CPQ: variants seen among roughly 807,000 people sequenced by gnomAD.
The protein encoded by CPQ is Ser-Met dipeptidase.
A neutral mutation model predicts 45.7 loss-of-function variants in CPQ; 37 were observed. That is an observed-to-expected ratio of 0.81 (90% CI 0.62 to 1.07). The LOEUF is 1.07. CPQ is among the 50% of genes least tolerant of loss of function. The probability of loss-of-function intolerance (pLI) is 0.00; values close to 1 mark genes in which losing one functional copy is unlikely to be tolerated. For synonymous variants in CPQ, 186 were observed against 205.8 expected (o/e 0.90, Z 0.82); for missense variants, 537 against 572.9 (o/e 0.94, Z 0.64).
In CPQ at chr8:96,902,665, G is replaced by A. The variant is rs543713636; in HGVS notation, c.849+22660G>A. Among the ~76,000 whole-genome samples the A allele has an allele frequency of 2.0e-3, 307 of 152,202 alleles. 2 individuals carry two copies. The highest frequency in any genetic ancestry group is 6.9e-3 in the African/African-American group (285 of 41,528). ...GCCCTTGTCTGCTACTATGTATCTC[G>A]GTCAGCAAGTTCCAACTTGGAGTTT... On this transcript the variant is annotated intron_variant, in intron 4 of 7. Transcript: ENST00000220763.
intron 6 of CPQ, among the ~76,000 whole-genome samples, chr8:97,045,275 A>G (rs1368720587): frequency 6.6e-6 from 1 of 152,186 alleles, no homozygotes; most frequent in African/African-American, 2.4e-5. Context: ...CTCCGTGGGC[A>G]TAGTACCTTC....
chr8:96,826,696 G>A (rs1192941667), intron 2 of CPQ, among the ~76,000 whole-genome samples: 1 of 151,846 alleles, frequency 6.6e-6, no homozygotes, highest in Non-Finnish European at 1.5e-5. Flanking sequence ...CGTGTGCCAT[G>A]GTGGTTTGTT....
At position 96,789,670 on chromosome 8, in the gene CPQ, C is replaced by T. The variant is rs191567699; in HGVS notation, c.433+4340C>T. ...TTTTCTAATCACTTCTGAGAGGGTGCGGCCTTGAGCATGCACACAGCCTTC... is the reference window on the plus strand; with the variant it reads ...TTTTCTAATCACTTCTGAGAGGGTGTGGCCTTGAGCATGCACACAGCCTTC... On this transcript the variant is annotated intron_variant, in intron 2 of 7. Coordinates refer to ENST00000220763, the MANE Select transcript of CPQ (RefSeq NM_016134.4). Among the ~76,000 whole-genome samples, 178 of 152,288 alleles carry T rather than the reference C, an allele frequency of 1.2e-3. 1 individual carries two copies. The highest frequency in any genetic ancestry group is 6.0e-3 in the South Asian group (29 of 4,828).
At chr8:96,809,414 G>A (rs1811130050) in intron 2 of CPQ, among the ~76,000 whole-genome samples, 1 of 152,092 alleles carries the variant, frequency 6.6e-6, no homozygotes. Context: ...GCAATAAAAT[G>A]GAACACATGC....
chr8:97,009,199 C>T (rs1372658872), intron 5 of CPQ, among the ~76,000 whole-genome samples: 1 of 152,248 alleles, frequency 6.6e-6, no homozygotes, highest in African/African-American at 2.4e-5. Context: ...AGCACTTGTT[C>T]TCCATCTGAA....
intron 4 of CPQ, among the ~76,000 whole-genome samples, chr8:96,888,860 C>G (rs1812337166): frequency 6.6e-6 from 1 of 152,096 alleles, no homozygotes; most frequent in Admixed American, 6.6e-5. Flanking sequence ...TTAAATTGCT[C>G]TTACATTAAT....
At chr8:96,924,931 A>C (rs903010341) in intron 4 of CPQ, among the ~76,000 whole-genome samples, 1 of 152,216 alleles carries the variant, frequency 6.6e-6, no homozygotes, top group African/African-American at 2.4e-5. Context: ...TTGTTTTAAC[A>C]CAGCGATCTA....
At chr8:96,854,741 C>T (rs1811824224) in intron 3 of CPQ, among the ~76,000 whole-genome samples, 3 of 151,934 alleles carry the variant, frequency 2.0e-5, no homozygotes, top group African/African-American at 7.3e-5. Context: ...AAGCTGGAGA[C>T]CCAAGTGAGC....
chr8:97,143,225 T>C lies in CPQ; in HGVS notation c.*42T>C. 6.2e-7 allele frequency: 1 copy of C among 1,602,876 alleles called. No homozygotes were observed. On this transcript the variant is annotated 3_prime_UTR_variant, in exon 8 of 8. Transcript: ENST00000220763. ...ACGTTTTCATGCTTCTGGCCAGGAA[T>C]CCTGGGTCTGCAACTTTGGAAAACT...
At chr8:96,819,763 T>G (rs954693657) in intron 2 of CPQ, among the ~76,000 whole-genome samples, 4 of 152,102 alleles carry the variant, frequency 2.6e-5, no homozygotes, top group Admixed American at 6.6e-5. Flanking sequence ...GCTTTTGCTT[T>G]CACAGGACCA....
chr8:97,093,197 AG>A (rs1339185277), intron 7 of CPQ, among the ~76,000 whole-genome samples: 1 of 152,180 alleles, frequency 6.6e-6, no homozygotes, highest in African/African-American at 2.4e-5. Flanking sequence ...CAGAGAAAAA[AG>A]AATACTTACA....
chr8:96,771,459 G>A (rs530931106), intron 1 of CPQ, among the ~76,000 whole-genome samples: 1 of 152,068 alleles, frequency 6.6e-6, no homozygotes, highest in African/African-American at 2.4e-5. Flanking sequence ...GGAAGCAAAG[G>A]CTCATGTCTG....
At chr8:97,011,620 G>A (rs947301345) in intron 5 of CPQ, among the ~76,000 whole-genome samples, 12 of 152,158 alleles carry the variant, frequency 7.9e-5, no homozygotes, top group African/African-American at 1.9e-4. Context: ...CTTATTGGCT[G>A]TATAATACTG....
chr8:96,667,153 A>G (rs1376261903), intron 1 of CPQ, among the ~76,000 whole-genome samples: 1 of 152,146 alleles, frequency 6.6e-6, no homozygotes, highest in South Asian at 2.1e-4. Context: ...TGGTGTGTAC[A>G]TATTACATGG....
intron 4 of CPQ, among the ~76,000 whole-genome samples, chr8:96,909,526 T>A (rs912811958): frequency 6.6e-6 from 1 of 152,194 alleles, no homozygotes; most frequent in Non-Finnish European, 1.5e-5. Flanking sequence ...ATTCAGCAAT[T>A]TCCTTTTAAT....
At chr8:96,743,149 A>C (rs1358860046) in intron 1 of CPQ, among the ~76,000 whole-genome samples, 1 of 151,944 alleles carries the variant, frequency 6.6e-6, no homozygotes, top group African/African-American at 2.4e-5. Context: ...ACGTAGTCCC[A>C]TATTTCTTGG....
chr8:97,040,727 T>G (rs908921311), intron 6 of CPQ, among the ~76,000 whole-genome samples: 1 of 152,108 alleles, frequency 6.6e-6, no homozygotes, highest in African/African-American at 2.4e-5. Context: ...CCAGCACCAT[T>G]TATTAAATAG....
At position 96,876,634 on chromosome 8, in the gene CPQ, A is replaced by T. The variant is rs183436267; in HGVS notation, c.642-3164A>T. Among the ~76,000 whole-genome samples, 4 of 152,214 alleles carry T rather than the reference A, an allele frequency of 2.6e-5. No individual in the cohort carries two copies. In the East Asian group the frequency reaches 7.7e-4, roughly 29 times the overall value. On this transcript the variant is annotated intron_variant, in intron 3 of 7. Transcript: ENST00000220763. ...TTAGTTTGATTAGTGATTTTATCAT[A>T]AAAAAGTGCTAGATTTTGTGAAATA...
intron 1 of CPQ, among the ~76,000 whole-genome samples, chr8:96,772,747 T>G (rs1238183342): frequency 6.6e-6 from 1 of 152,154 alleles, no homozygotes; most frequent in Non-Finnish European, 1.5e-5. Flanking sequence ...TCATTGGAGT[T>G]AGGGACAAAG....
Sources: gnomAD v4.1 joint callset for allele counts (sites outside exome capture counted in the v4.1 genomes callset) on GRCh38, gnomAD v4.1.1 for gene constraint, MANE v1.5 for transcripts, NCBI Gene and HGNC (gene_info 2026-07-23, HGNC 2026-07-21) for gene names.